Variants in MYT1L observed in about 807,000 individuals in gnomAD.
MYT1L encodes myelin transcription factor 1-like protein.
MYT1L carries 12 observed loss-of-function variants against 126.7 expected under a neutral mutation model. The observed-to-expected ratio is 0.09, with a 90% CI of 0.06 to 0.15. The LOEUF (loss-of-function observed/expected upper bound fraction) is 0.15. MYT1L is among the 10% of genes least tolerant of loss of function. The pLI is 1.00. For synonymous variants in MYT1L, 541 were observed against 604.2 expected (o/e 0.90, Z 1.53); for missense variants, 979 against 1,585.2 (o/e 0.62, Z 6.49).
chr2:1,865,164 G>A (rs34271908), intron 18 of MYT1L, among the ~76,000 whole-genome samples: 68,900 of 151,962 alleles, frequency 0.45, 17,750 homozygotes, highest in African/African-American at 0.7. Flanking sequence ...TGTGTGGAGA[G>A]CTGGGCTGGG....
At chr2:1,847,115 G>T (rs2042605618) in intron 19 of MYT1L, among the ~76,000 whole-genome samples, 1 of 152,202 alleles carries the variant, frequency 6.6e-6, no homozygotes, top group Admixed American at 6.5e-5. Flanking sequence ...GCGCATTATT[G>T]TAAAAGAGCA....
At chr2:2,006,629 G>A (rs1468351912) in intron 4 of MYT1L, among the ~76,000 whole-genome samples, 5 of 152,064 alleles carry the variant, frequency 3.3e-5, no homozygotes, top group Non-Finnish European at 7.3e-5. Context: ...AGGCTGGAGT[G>A]CAGTGGCGTG....
At chr2:2,194,872 T>C (rs536680335) in intron 2 of MYT1L, among the ~76,000 whole-genome samples, 1 of 152,344 alleles carries the variant, frequency 6.6e-6, no homozygotes, top group South Asian at 2.1e-4. Context: ...TTTGCTAATA[T>C]GGAATGCTAA....
At chr2:2,143,266 G>A (rs2084310506) in intron 3 of MYT1L, among the ~76,000 whole-genome samples, 1 of 150,528 alleles carries the variant, frequency 6.6e-6, no homozygotes, top group Non-Finnish European at 1.5e-5. Context: ...TTCCAGCCTG[G>A]GCGACAGAGC....
chr2:1,834,959 G>A, intron 21 of MYT1L, among the ~76,000 whole-genome samples: 1 of 111,972 alleles, frequency 8.9e-6, no homozygotes, highest in Non-Finnish European at 1.7e-5. Flanking sequence ...CACGGGGATG[G>A]ATACAGGTAC....
At chr2:2,116,936 G>C (rs1316142730) in intron 3 of MYT1L, among the ~76,000 whole-genome samples, 1 of 152,270 alleles carries the variant, frequency 6.6e-6, no homozygotes, top group Non-Finnish European at 1.5e-5. Flanking sequence ...TCTGGCATTT[G>C]TCACCAACCA....
intron 22 of MYT1L, 77 bp downstream of exon 22, chr2:1,808,999 A>T: frequency 7.8e-7 from 1 of 1,280,214 alleles, no homozygotes; most frequent in Non-Finnish European, 1.1e-6. Context: ...TAACTGTCAA[A>T]GGACACACAG....
intron 8 of MYT1L, among the ~76,000 whole-genome samples, chr2:1,959,377 GT>G (rs1260213719): frequency 2.0e-5 from 3 of 152,146 alleles, no homozygotes; most frequent in African/African-American, 7.2e-5. Flanking sequence ...CTCTCAGACC[GT>G]CTGGATGTGA....
At position 2,259,394 on chromosome 2, in the gene MYT1L, T is replaced by TAA. The variant is rs79333923; in HGVS notation, c.-421+25008_-421+25009dup. Among the ~76,000 whole-genome samples the TAA allele has an allele frequency of 4.5e-5, 5 of 110,420 alleles. No homozygotes were observed. The South Asian group carries it at 8.9e-4, about 20-fold the overall frequency. 72.4% of individuals were successfully genotyped at this position (110,420 alleles called of 152,430 possible). On this transcript the variant is annotated intron_variant, in intron 2 of 24. Transcript: ENST00000647738. The stretch of plus-strand genomic sequence containing the variant: ...ATGTACCCTAAAACTTAGAGTATAA[T>TAA]AAAAAAAAAAACATTAAAAAAAAAA...
intron 5 of MYT1L, among the ~76,000 whole-genome samples, chr2:1,982,240 C>G (rs1419317849): frequency 6.6e-6 from 1 of 152,174 alleles, no homozygotes; most frequent in East Asian, 1.9e-4. Flanking sequence ...AAGGGCATTT[C>G]CCGGGGTCCC....
At chr2:2,137,395 C>T (rs967549487) in intron 3 of MYT1L, among the ~76,000 whole-genome samples, 5 of 152,126 alleles carry the variant, frequency 3.3e-5, no homozygotes, top group African/African-American at 1.2e-4. Flanking sequence ...AATCCTAAGC[C>T]AAAAGAACAA....
At chr2:2,087,804 C>A (rs925813880) in intron 3 of MYT1L, among the ~76,000 whole-genome samples, 1 of 152,168 alleles carries the variant, frequency 6.6e-6, no homozygotes. Flanking sequence ...AACAAAAGAC[C>A]ATGACATTCA....
chr2:2,206,261 A>G (rs2093317238), intron 2 of MYT1L, among the ~76,000 whole-genome samples: 1 of 152,114 alleles, frequency 6.6e-6, no homozygotes, highest in African/African-American at 2.4e-5. Context: ...TATAGGCACG[A>G]GCCACCGTGC....
rs573629440 is a variant in MYT1L at position 1,793,456 on chromosome 2, C to A, written c.3277-992G>T. ...CCAGGGCTGGCTTGCCTGGCCTGCCCGCTCCTCTCCTTCCCTGACGTGTCA... is the reference window on the plus strand; with the variant it reads ...CCAGGGCTGGCTTGCCTGGCCTGCCAGCTCCTCTCCTTCCCTGACGTGTCA... On this transcript the variant is annotated intron_variant, in intron 23 of 24. Coordinates refer to ENST00000647738, the MANE Select transcript of MYT1L (RefSeq NM_001303052.2). This position sits in a 1 kb window ranked among gnomAD's most constrained non-coding sequence, Gnocchi z 4.6. 5.3e-5 allele frequency among the ~76,000 whole-genome samples: 8 copies of A among 152,176 alleles called. No homozygotes were observed. The highest frequency in any genetic ancestry group is 1.2e-4 in the Non-Finnish European group (8 of 68,024).
chr2:1,876,893 G>A (rs573122589), intron 18 of MYT1L, among the ~76,000 whole-genome samples: 26 of 152,248 alleles, frequency 1.7e-4, no homozygotes, highest in South Asian at 8.3e-4. Flanking sequence ...CTATGTGTCC[G>A]CCGTCTCCCC....
chr2:2,141,297 T>C (rs1390251087), intron 3 of MYT1L, among the ~76,000 whole-genome samples: 2 of 152,148 alleles, frequency 1.3e-5, no homozygotes, highest in African/African-American at 2.4e-5. Flanking sequence ...CTAATAAACA[T>C]ATGGATTTTT....
intron 4 of MYT1L, among the ~76,000 whole-genome samples, chr2:2,015,130 G>A (rs911302261): frequency 1.3e-5 from 2 of 152,064 alleles, no homozygotes; most frequent in South Asian, 2.1e-4. Context: ...TCATAAGCTC[G>A]ACCACGCGGG....
At chr2:2,085,366 C>G (rs1362461124) in intron 3 of MYT1L, among the ~76,000 whole-genome samples, 2 of 152,098 alleles carry the variant, frequency 1.3e-5, no homozygotes, top group Non-Finnish European at 2.9e-5. Context: ...TGTGTGTGTT[C>G]ACAGGCACGT....
At chr2:2,102,575 ACT>A (rs1395694404) in intron 3 of MYT1L, among the ~76,000 whole-genome samples, 1 of 150,202 alleles carries the variant, frequency 6.7e-6, no homozygotes, top group Non-Finnish European at 1.5e-5. Context: ...TACTGTTTAC[ACT>A]CTCCATTTTG....
Sources: gnomAD v4.1 joint callset for allele counts (sites outside exome capture counted in the v4.1 genomes callset) on GRCh38, gnomAD v4.1.1 for gene constraint, Gnocchi (gnomAD v3.1) non-coding constraint, MANE v1.5 for transcripts, NCBI Gene and HGNC (gene_info 2026-07-23, HGNC 2026-07-21) for gene names.